The following TSHZ2 variants were observed in gnomAD, a reference collection of about 807,000 sequenced individuals.
TSHZ2 encodes teashirt zinc finger homeobox 2.
Under a neutral mutation model 74.4 loss-of-function variants are expected in TSHZ2, and 21 were observed. The ratio of observed to expected loss-of-function variants is 0.28; its 90% CI spans 0.20 to 0.41. The LOEUF (loss-of-function observed/expected upper bound fraction) is 0.41, where lower values mean the gene tolerates loss of function less well. TSHZ2 is among the 10% of genes least tolerant of loss of function. The probability of loss-of-function intolerance (pLI) is 1.00; values close to 1 mark genes in which losing one functional copy is unlikely to be tolerated. For synonymous variants in TSHZ2, 540 were observed against 515.3 expected, an observed-to-expected ratio of 1.05 and a Z score of -0.65; for missense variants, 1,244 against 1,293.5, an observed-to-expected ratio of 0.96 and a Z score of 0.59.
At chr20:53,092,249 A>T (rs758478411) in intron 1 of TSHZ2, among the ~76,000 whole-genome samples, 7 of 152,114 alleles carry the variant, frequency 4.6e-5, no homozygotes, top group Admixed American at 6.5e-5. Flanking sequence ...ATTGGAAACC[A>T]ACCTAGTTAC....
At chr20:53,351,554 A>G (rs1256573344) in intron 2 of TSHZ2, among the ~76,000 whole-genome samples, 2 of 152,262 alleles carry the variant, frequency 1.3e-5, no homozygotes, top group African/African-American at 4.8e-5. Flanking sequence ...TCATCAATCC[A>G]AAATTTTGAA....
intron 2 of TSHZ2, among the ~76,000 whole-genome samples, chr20:53,322,139 AT>A (rs1322455022): frequency 6.6e-6 from 1 of 152,202 alleles, no homozygotes; most frequent in Non-Finnish European, 1.5e-5. Context: ...TAAATCAGAG[AT>A]TTTTATTCTA....
At chr20:53,389,440 A>T (rs775581574) in intron 2 of TSHZ2, among the ~76,000 whole-genome samples, 9 of 152,206 alleles carry the variant, frequency 5.9e-5, no homozygotes, top group Non-Finnish European at 1.0e-4. Context: ...ATTAGGCCTG[A>T]AAGAGGGATG....
intron 2 of TSHZ2, among the ~76,000 whole-genome samples, chr20:53,470,012 T>C (rs1287681125): frequency 6.6e-6 from 1 of 152,174 alleles, no homozygotes; most frequent in Non-Finnish European, 1.5e-5. Flanking sequence ...GTTCTGAGGT[T>C]TGATAGAAGA....
At chr20:53,362,131 T>G (rs1489974927) in intron 2 of TSHZ2, among the ~76,000 whole-genome samples, 1 of 152,032 alleles carries the variant, frequency 6.6e-6, no homozygotes, top group African/African-American at 2.4e-5. Flanking sequence ...CCTCCCGAAG[T>G]GCTGGCATTA....
At chr20:53,480,423 C>T (rs923718409) in intron 2 of TSHZ2, among the ~76,000 whole-genome samples, 1 of 151,738 alleles carries the variant, frequency 6.6e-6, no homozygotes, top group African/African-American at 2.4e-5. Context: ...AAAAATTAGC[C>T]TACTGTGGTG....
chr20:53,401,936 C>T (rs1647819665), intron 2 of TSHZ2, among the ~76,000 whole-genome samples: 1 of 152,044 alleles, frequency 6.6e-6, no homozygotes, highest in South Asian at 2.1e-4. Context: ...GCACCCGCCA[C>T]CATGCCTGGC....
intron 2 of TSHZ2, among the ~76,000 whole-genome samples, chr20:53,409,214 A>G (rs987784870): frequency 6.6e-6 from 1 of 152,010 alleles, no homozygotes; most frequent in Admixed American, 6.6e-5. Context: ...AATGGCATTT[A>G]TGTTAAATCA....
At chr20:53,277,862 T>C (rs1006559983) in intron 2 of TSHZ2, among the ~76,000 whole-genome samples, 2 of 152,208 alleles carry the variant, frequency 1.3e-5, no homozygotes, top group Non-Finnish European at 2.9e-5. Flanking sequence ...TGGGCTGAGA[T>C]TGGTCCACCC....
chr20:53,167,795 G>A (rs2123477738), intron 1 of TSHZ2, among the ~76,000 whole-genome samples: 1 of 152,282 alleles, frequency 6.6e-6, no homozygotes, highest in East Asian at 1.9e-4. Context: ...CCCACTGGGT[G>A]GGGTATTACG....
rs1981189896 is a variant in TSHZ2 at position 52,973,159 on chromosome 20, G to A, written c.-135G>A. ...GGAGTTGCAGGGGGGATCGTCAGGG[G>A]GACAGAGGCCGAGTGACGTCCTAGG... On this transcript the variant is annotated 5_prime_UTR_variant, in exon 1 of 3. Coordinates refer to ENST00000371497, the MANE Select transcript of TSHZ2 (RefSeq NM_173485.6). 1.7e-6 allele frequency: 2 copies of A among 1,158,042 alleles called. No homozygotes were observed. Among genetic ancestry groups the A allele is most frequent in the Admixed American group, 2.3e-5 (1 of 42,818 alleles). The allele number at this position is 1,158,042 out of a possible 1,614,324, so 71.7% of individuals were successfully genotyped here.
chr20:53,132,191 G>C (rs865959952), intron 1 of TSHZ2, among the ~76,000 whole-genome samples: 4 of 151,994 alleles, frequency 2.6e-5, no homozygotes, highest in Admixed American at 2.0e-4. Flanking sequence ...TCTGAGAGAG[G>C]GTTCTATCTT....
chr20:53,246,040 C>CTTTCTTTT (rs796704423), intron 1 of TSHZ2, among the ~76,000 whole-genome samples: 1 of 130,648 alleles, frequency 7.7e-6, no homozygotes, highest in African/African-American at 3.1e-5. Context: ...TTCTTTCTTT[C>CTTTCTTTT]TTTTTTTTTT....
intron 1 of TSHZ2, among the ~76,000 whole-genome samples, chr20:53,093,150 C>T (rs764177496): frequency 2.0e-5 from 3 of 152,196 alleles, no homozygotes; most frequent in Non-Finnish European, 2.9e-5. Flanking sequence ...TCAGTTTCTA[C>T]TTAAGTAAAA....
intron 2 of TSHZ2, among the ~76,000 whole-genome samples, chr20:53,457,699 CATAG>C (rs1269772136): frequency 6.8e-6 from 1 of 147,350 alleles, no homozygotes; most frequent in Non-Finnish European, 1.5e-5. Context: ...GTGGGTTTGT[CATAG>C]ATAGCTCTTA....
intron 2 of TSHZ2, among the ~76,000 whole-genome samples, chr20:53,442,699 T>C (rs1488163706): frequency 6.6e-6 from 1 of 152,238 alleles, no homozygotes; most frequent in East Asian, 1.9e-4. Flanking sequence ...TAATTGGGCA[T>C]TCTAGAGTTG....
chr20:53,079,483 CT>C (rs911380923), intron 1 of TSHZ2, among the ~76,000 whole-genome samples: 1 of 152,178 alleles, frequency 6.6e-6, no homozygotes, highest in African/African-American at 2.4e-5. Flanking sequence ...TTTAAGGCAT[CT>C]TAGCGCTACA....
intron 1 of TSHZ2, among the ~76,000 whole-genome samples, chr20:53,016,646 CAA>C (rs1256502575): frequency 6.6e-6 from 1 of 152,136 alleles, no homozygotes; most frequent in East Asian, 1.9e-4. Flanking sequence ...AAATGGAAAT[CAA>C]ATAAGTAAGT....
chr20:53,406,697 A>T (rs1982865238), intron 2 of TSHZ2, among the ~76,000 whole-genome samples: 2 of 152,330 alleles, frequency 1.3e-5, no homozygotes, highest in South Asian at 4.1e-4. Context: ...AGCAGGCAAC[A>T]TCTTCTTCTT....
Sources: gnomAD v4.1 joint callset for allele counts (sites outside exome capture counted in the v4.1 genomes callset) on GRCh38, gnomAD v4.1.1 for gene constraint, MANE v1.5 for transcripts, NCBI Gene and HGNC (gene_info 2026-07-23, HGNC 2026-07-21) for gene names.